Variants in LGR4 observed in about 807,000 individuals in gnomAD.
LGR4 encodes the protein leucine rich repeat containing G protein-coupled receptor 4.
In LGR4, 44 loss-of-function variants were observed where a neutral mutation model predicts 84.8. The observed-to-expected ratio is 0.52, with a 90% CI of 0.41 to 0.67. The LOEUF (loss-of-function observed/expected upper bound fraction) is 0.67, where lower values mean the gene tolerates loss of function less well. LGR4 is among the 30% of genes least tolerant of loss of function. The pLI, the probability that LGR4 is intolerant of heterozygous loss-of-function variation, is 0.00. For synonymous variants in LGR4, 429 were observed against 434.3 expected (o/e 0.99, Z 0.15); for missense variants, 1,032 against 1,131.4 (o/e 0.91, Z 1.26).
chr11:27,382,958 A>C (rs1414784600), intron 6 of LGR4, among the ~76,000 whole-genome samples: 1 of 152,240 alleles, frequency 6.6e-6, no homozygotes, highest in Non-Finnish European at 1.5e-5. Context: ...CGGAGGTTGC[A>C]GTGAGCCGAG....
chr11:27,403,840 T>C (rs1299735471), intron 2 of LGR4, among the ~76,000 whole-genome samples: 1 of 152,236 alleles, frequency 6.6e-6, no homozygotes, highest in Non-Finnish European at 1.5e-5. Flanking sequence ...TTTATAACTA[T>C]GATTTTTTTA....
intron 2 of LGR4, among the ~76,000 whole-genome samples, chr11:27,404,191 T>C (rs778361021): frequency 1.4e-4 from 21 of 152,184 alleles, no homozygotes; most frequent in Middle Eastern, 3.2e-3. Context: ...CAGCAAACCA[T>C]GGTTTCATTT....
At chr11:27,423,713 C>T (rs1019289878) in intron 1 of LGR4, among the ~76,000 whole-genome samples, 3 of 152,190 alleles carry the variant, frequency 2.0e-5, no homozygotes, top group Non-Finnish European at 4.4e-5. Context: ...TGACAATGTC[C>T]TGAATCTTGG....
At chr11:27,381,275 T>C (rs999943444) in intron 7 of LGR4, among the ~76,000 whole-genome samples, 5 of 152,238 alleles carry the variant, frequency 3.3e-5, no homozygotes, top group African/African-American at 9.6e-5. Flanking sequence ...TCTCTCTCAC[T>C]GTAGCCTGTA....
In LGR4 at chr11:27,472,366, TCCCCCGCCG is replaced by T. The variant is rs1009479604; in HGVS notation, c.-73_-65del. The stretch of plus-strand genomic sequence containing the variant: ...CTGCTCGCTCCGCTGCCCTCCGATG[TCCCCCGCCG>T]CCCCCGGGCAGCCGGCCTGCGGGCT... On this transcript the variant is annotated 5_prime_UTR_variant, in exon 1 of 18. Coordinates refer to ENST00000379214, the MANE Select transcript of LGR4 (RefSeq NM_018490.5). The T allele has an allele frequency of 5.1e-5, 58 of 1,143,666 alleles. No individual in the cohort carries two copies. The African/African-American group carries it at 8.8e-4, about 17-fold the overall frequency. 70.8% of individuals were successfully genotyped at this position (1,143,666 alleles called of 1,614,324 possible). A position where few individuals can be genotyped will look rare whatever the true frequency, so the allele number is the denominator to read the frequency against.
chr11:27,429,440 G>A (rs924355730), intron 1 of LGR4, among the ~76,000 whole-genome samples: 2 of 151,448 alleles, frequency 1.3e-5, no homozygotes, highest in East Asian at 1.9e-4. Flanking sequence ...CTGAGATCGC[G>A]CTACTGCACC....
At chr11:27,377,040 AC>A in intron 12 of LGR4, 117 bp downstream of exon 12, 2 of 580,658 alleles carry the variant, frequency 3.4e-6, no homozygotes, top group Middle Eastern at 3.2e-4. Context: ...ATTTATGGGA[AC>A]ATCTGATTAC....
intron 15 of LGR4, 93 bp from the exon 16 acceptor site, chr11:27,372,491 C>A (rs1862905893): frequency 1.3e-6 from 1 of 765,236 alleles, no homozygotes; most frequent in Non-Finnish European, 2.3e-6. Flanking sequence ...AAAACCTCAG[C>A]CTAGGAGTCA....
At chr11:27,380,031 C>T (rs915487965) in intron 10 of LGR4, among the ~76,000 whole-genome samples, 2 of 152,166 alleles carry the variant, frequency 1.3e-5, no homozygotes, top group African/African-American at 2.4e-5. Context: ...TCTAATTTGG[C>T]ACTTTGTTAC....
At chr11:27,440,662 C>T (rs745988370) in intron 1 of LGR4, among the ~76,000 whole-genome samples, 11 of 152,076 alleles carry the variant, frequency 7.2e-5, no homozygotes, top group Non-Finnish European at 1.0e-4. Context: ...CACAAAGACC[C>T]GGAGGCTTCT....
At chr11:27,395,739 G>A (rs780761243) in intron 2 of LGR4, among the ~76,000 whole-genome samples, 1 of 152,188 alleles carries the variant, frequency 6.6e-6, no homozygotes, top group Non-Finnish European at 1.5e-5. Context: ...CTTCAGGAAT[G>A]TATCTACGTA....
chr11:27,391,012 C>A, intron 4 of LGR4, 82 bp downstream of exon 4: 2 of 828,860 alleles, frequency 2.4e-6, no homozygotes, highest in East Asian at 2.6e-5. Context: ...TAAATCTCCT[C>A]TTTCCTTACA....
intron 1 of LGR4, among the ~76,000 whole-genome samples, chr11:27,448,933 A>C (rs1236373512): frequency 2.0e-5 from 3 of 152,226 alleles, no homozygotes; most frequent in African/African-American, 7.2e-5. Context: ...TAAAAACTAA[A>C]TAAAACATAA....
At chr11:27,427,410 A>G (rs1864042629) in intron 1 of LGR4, among the ~76,000 whole-genome samples, 1 of 152,206 alleles carries the variant, frequency 6.6e-6, no homozygotes. Context: ...AGAGCCATTC[A>G]GGAAACTGCA....
intron 2 of LGR4, 147 bp from the exon 3 acceptor site, chr11:27,392,665 G>A (rs1365371898): frequency 1.2e-5 from 8 of 648,622 alleles, no homozygotes; most frequent in Non-Finnish European, 1.5e-5. Context: ...TTAAACCCTT[G>A]CTAAAATGAT....
intron 2 of LGR4, among the ~76,000 whole-genome samples, chr11:27,401,232 G>A (rs558642080): frequency 9.9e-5 from 15 of 152,208 alleles, no homozygotes; most frequent in African/African-American, 3.1e-4. Context: ...AAATAAGTAC[G>A]TTTCTGCTAA....
intron 1 of LGR4, among the ~76,000 whole-genome samples, chr11:27,454,152 T>C (rs1864531718): frequency 6.6e-6 from 1 of 152,206 alleles, no homozygotes; most frequent in Non-Finnish European, 1.5e-5. Flanking sequence ...TTTCAGCCAA[T>C]TGCCAATCCG....
chr11:27,410,028 G>A (rs1863681127), intron 2 of LGR4, among the ~76,000 whole-genome samples: 1 of 152,134 alleles, frequency 6.6e-6, no homozygotes, highest in African/African-American at 2.4e-5. Context: ...GTCTAATATA[G>A]TAGCAACCAC....
rs577009985 is a variant in LGR4 at position 27,450,713 on chromosome 11, G to A, written c.185+21405C>T. Among the ~76,000 whole-genome samples the A allele has an allele frequency of 4.7e-4, 72 of 152,182 alleles. 1 individual carries two copies. Among genetic ancestry groups the A allele is most frequent in the African/African-American group, 1.5e-3 (61 of 41,544 alleles). ...TGAGGCAGGAGAATCCCTTGAACCC[G>A]GGAGGCAGAGGTTACGGTGAGCTGA... On this transcript the variant is annotated intron_variant, in intron 1 of 17. Coordinates refer to ENST00000379214, the MANE Select transcript of LGR4 (RefSeq NM_018490.5).
Sources: gnomAD v4.1 joint callset for allele counts (sites outside exome capture counted in the v4.1 genomes callset) on GRCh38, gnomAD v4.1.1 for gene constraint, MANE v1.5 for transcripts, NCBI Gene and HGNC (gene_info 2026-07-23, HGNC 2026-07-21) for gene names.